The following ZMYM4 variants were observed in gnomAD, a reference collection of about 807,000 sequenced individuals.
The protein encoded by ZMYM4 is zinc finger MYM-type containing 4, also known as zinc finger MYM-type protein 4.
In ZMYM4, 31 loss-of-function variants were observed where a neutral mutation model predicts 183.2. That is an observed-to-expected ratio of 0.17 (90% confidence interval 0.13 to 0.23). The LOEUF is 0.23. Among genes scored for constraint, ZMYM4 ranks in the 10% least tolerant of loss-of-function variants. ZMYM4 has a pLI of 1.00. For synonymous variants in ZMYM4, 592 were observed against 631.2 expected (o/e 0.94, Z 0.93); for missense variants, 1,273 against 1,840.3 (o/e 0.69, Z 5.64).
At chr1:35,379,390 C>T (rs1315531049) in intron 7 of ZMYM4, among the ~76,000 whole-genome samples, 1 of 152,232 alleles carries the variant, frequency 6.6e-6, no homozygotes, top group Non-Finnish European at 1.5e-5. Flanking sequence ...TGAGCCACTG[C>T]TCCCTGCCTA....
intron 18 of ZMYM4, among the ~76,000 whole-genome samples, chr1:35,395,294 T>C (rs1015483653): frequency 3.3e-5 from 5 of 151,924 alleles, no homozygotes; most frequent in Admixed American, 2.6e-4. Flanking sequence ...TAATGTCCGC[T>C]GTATTATGTA....
chr1:35,343,253 A>G (rs960888911), intron 2 of ZMYM4, among the ~76,000 whole-genome samples: 5 of 152,184 alleles, frequency 3.3e-5, no homozygotes, highest in Admixed American at 6.5e-5. Flanking sequence ...TAAGAAATCT[A>G]TCATAAGATC....
In ZMYM4 at chr1:35,419,714, A is replaced by G; in HGVS notation, c.*37A>G. On this transcript the variant is annotated 3_prime_UTR_variant, in exon 30 of 30. Coordinates refer to ENST00000314607, the MANE Select transcript of ZMYM4 (RefSeq NM_005095.3). The stretch of plus-strand genomic sequence containing the variant: ...GGTTCTTATTTTCATACATATTGGT[A>G]TGCACCAAACTGTGAATGCATCCAG... 1 of 1,603,940 alleles carries G rather than the reference A, an allele frequency of 6.2e-7. No individual in the cohort carries two copies. Among genetic ancestry groups the G allele is most frequent in the South Asian group, 1.1e-5 (1 of 90,362 alleles).
At chr1:35,311,305 C>G (rs899073268) in intron 1 of ZMYM4, among the ~76,000 whole-genome samples, 3 of 151,836 alleles carry the variant, frequency 2.0e-5, no homozygotes, top group Admixed American at 6.6e-5. Flanking sequence ...ACCTGTAATC[C>G]CAGCTACTCA....
At chr1:35,379,484 C>T (rs1341268856) in intron 7 of ZMYM4, among the ~76,000 whole-genome samples, 1 of 152,250 alleles carries the variant, frequency 6.6e-6, no homozygotes, top group African/African-American at 2.4e-5. Flanking sequence ...GATCCGCCCG[C>T]CTCGGCCTTC....
intron 7 of ZMYM4, chr1:35,370,998 T>G (rs1644196365): frequency 5.9e-6 from 1 of 168,808 alleles, no homozygotes; most frequent in Non-Finnish European, 1.3e-5. Context: ...TATTTTAAGT[T>G]ATATTTCCTG....
chr1:35,379,636 G>A (rs114070128), intron 7 of ZMYM4, among the ~76,000 whole-genome samples: 1 of 152,344 alleles, frequency 6.6e-6, no homozygotes, highest in African/African-American at 2.4e-5. Context: ...AATGTTTGGC[G>A]CAAGAGGCCT....
intron 1 of ZMYM4, among the ~76,000 whole-genome samples, chr1:35,317,212 C>T (rs965509317): frequency 8.6e-5 from 13 of 151,882 alleles, no homozygotes; most frequent in Non-Finnish European, 1.5e-4. Context: ...GCAGGTGGAT[C>T]GCCTGAGGTC....
intron 1 of ZMYM4, among the ~76,000 whole-genome samples, chr1:35,314,123 T>G (rs1183013569): frequency 6.6e-6 from 1 of 152,214 alleles, no homozygotes; most frequent in Non-Finnish European, 1.5e-5. Flanking sequence ...TGCTATAGAC[T>G]TTAGGAAGCA....
At chr1:35,416,856 G>T (rs1414594475) in intron 28 of ZMYM4, among the ~76,000 whole-genome samples, 1 of 152,162 alleles carries the variant, frequency 6.6e-6, no homozygotes, top group Non-Finnish European at 1.5e-5. Context: ...GAGCCACCAT[G>T]CCTGGCCTCA....
At chr1:35,388,875 T>C in intron 13 of ZMYM4, 35 bp from the exon 14 acceptor site, 1 of 1,601,670 alleles carries the variant, frequency 6.2e-7, no homozygotes, top group Non-Finnish European at 8.5e-7. Context: ...CTAATACTTC[T>C]ACCTAATGTT....
At position 35,381,747 on chromosome 1, in the gene ZMYM4, G is replaced by A. The variant is rs750667169; in HGVS notation, c.1558G>A (p.Ala520Thr). 4.3e-6 allele frequency: 7 copies of A among 1,614,056 alleles called. No homozygotes were observed. The South Asian group carries it at 7.7e-5, about 18-fold the overall frequency. Residue 520 changes from alanine (A) to threonine (T), a missense_variant, in exon 9 of 30, where the codon GCA becomes ACA. Transcript: ENST00000314607. Reference sequence around the variant, plus strand: ...GTTTTGTAGTTCATCGTGTATCACGGCATACAAGCAGGTACATGACCATAT... The same window carrying A: ...GTTTTGTAGTTCATCGTGTATCACGACATACAAGCAGGTACATGACCATAT... ...KKFCSSSCITAYKQKSAKITP... is the reference protein window; with the variant it reads ...KKFCSSSCITTYKQKSAKITP...
intron 1 of ZMYM4, among the ~76,000 whole-genome samples, chr1:35,298,351 T>C (rs1641118749): frequency 6.6e-6 from 1 of 152,112 alleles, no homozygotes; most frequent in Non-Finnish European, 1.5e-5. Context: ...AAGGCTGCAG[T>C]GCACTCACTG....
chr1:35,335,303 C>T (rs1437386031), intron 2 of ZMYM4, among the ~76,000 whole-genome samples: 1 of 151,530 alleles, frequency 6.6e-6, no homozygotes, highest in African/African-American at 2.4e-5. Context: ...GTGACGCGAT[C>T]TCGGCTCACT....
chr1:35,382,436 A>G (rs951709420), intron 9 of ZMYM4, among the ~76,000 whole-genome samples: 3 of 151,354 alleles, frequency 2.0e-5, no homozygotes, highest in Non-Finnish European at 4.4e-5. Flanking sequence ...CATTTGAAAT[A>G]CAAGTTTTTA....
At position 35,370,510 on chromosome 1, in the gene ZMYM4, A is replaced by G; in HGVS notation, c.1064A>G (p.Tyr355Cys). 6.2e-7 allele frequency: 1 copy of G among 1,613,796 alleles called. No homozygotes were observed. ...ATCCTCCAGAAGGGGCAAACTGCTT[A>G]TCAGAGGAAAGGGTCTACTCAGCTA... ...KKILQKGQTA[Y>C]QRKGSTQLFC... is the part of the protein sequence containing the mutation. The change falls in exon 7 of 30, where the codon TAT becomes TGT. Residue 355 changes from tyrosine to cysteine, a missense_variant. Tyr to Cys is a radical substitution (Grantham distance 194). Coordinates refer to ENST00000314607, the MANE Select transcript of ZMYM4 (RefSeq NM_005095.3).
intron 1 of ZMYM4, among the ~76,000 whole-genome samples, chr1:35,282,626 G>T (rs903870154): frequency 6.6e-6 from 1 of 152,054 alleles, no homozygotes; most frequent in African/African-American, 2.4e-5. Flanking sequence ...TGTGATCATG[G>T]GTCAGTGCAG....
At position 35,359,156 on chromosome 1, in the gene ZMYM4, A is replaced by C; in HGVS notation, c.317A>C (p.His106Pro). 11 of 1,613,746 alleles carry C rather than the reference A, an allele frequency of 6.8e-6. No individual in the cohort carries two copies. The highest frequency in any genetic ancestry group is 9.3e-6 in the Non-Finnish European group (11 of 1,179,726). ...SSKDNLVSSI[H>P]TDDSLEVERR... ...AAGGACAATCTTGTTTCTTCAATTC[A>C]TACTGATGATAGCTTGGAAGTAGAG... Residue 106 changes from histidine to proline, a missense_variant, in exon 3 of 30, where the codon CAT becomes CCT. Around this residue, in one of 6 missense-constraint regions of ZMYM4, gnomAD observed 384 missense variants for 465.6 expected, o/e 0.82. Transcript: ENST00000314607.
At chr1:35,373,767 G>C (rs1222803392) in intron 7 of ZMYM4, among the ~76,000 whole-genome samples, 1 of 151,178 alleles carries the variant, frequency 6.6e-6, no homozygotes, top group Admixed American at 6.6e-5. Context: ...TCGATCTCCT[G>C]ACCTTGTGAT....
Sources: gnomAD v4.1 joint callset for allele counts (sites outside exome capture counted in the v4.1 genomes callset) on GRCh38, gnomAD v4.1.1 for gene constraint, gnomAD v4.1.1 regional missense constraint, MANE v1.5 for transcripts, NCBI Gene and HGNC (gene_info 2026-07-23, HGNC 2026-07-21) for gene names.